The following GAS2L3 variants were observed in gnomAD, a reference collection of about 807,000 sequenced individuals.
The protein encoded by GAS2L3 is growth arrest specific 2 like 3, also known as GAS2-like protein 3.
GAS2L3 carries 28 observed loss-of-function variants against 37.0 expected under a neutral mutation model. The ratio of observed to expected loss-of-function variants is 0.76; its 90% CI spans 0.56 to 1.04. The LOEUF (loss-of-function observed/expected upper bound fraction) is 1.04. GAS2L3 is among the 50% of genes least tolerant of loss of function. The probability of loss-of-function intolerance (pLI) is 0.00; values close to 1 mark genes in which losing one functional copy is unlikely to be tolerated. For missense variants in GAS2L3, 793 were observed against 817.6 expected (o/e 0.97, Z 0.37); for synonymous variants, 290 against 296.6 (o/e 0.98, Z 0.23).
intron 5 of GAS2L3, chr12:100,610,955 A>C (rs932963871): frequency 3.9e-5 from 6 of 151,956 alleles, no homozygotes; most frequent in African/African-American, 1.5e-4. Context: ...ATCTGCGTGG[A>C]AGGAAGTAAG....
chr12:100,616,842 C>T (rs1956193513), intron 6 of GAS2L3, among the ~76,000 whole-genome samples: 1 of 152,104 alleles, frequency 6.6e-6, no homozygotes, highest in South Asian at 2.1e-4. Flanking sequence ...TGGCTACATC[C>T]TCCAATACAA....
At chr12:100,599,737 A>G (rs1338048755) in intron 3 of GAS2L3, among the ~76,000 whole-genome samples, 1 of 152,204 alleles carries the variant, frequency 6.6e-6, no homozygotes, top group Non-Finnish European at 1.5e-5. Context: ...ACAAACATGT[A>G]TTTTATAAGG....
At position 100,625,201 on chromosome 12, in the gene GAS2L3, C is replaced by T. The variant is rs10860613; in HGVS notation, c.*311C>T. On this transcript the variant is annotated 3_prime_UTR_variant, in exon 10 of 10. Transcript: ENST00000547754. Reference sequence around the variant, plus strand: ...GAAATGTAAAAGTTATTTAACACTACAAGAATTTTAACAATAGTTGCTCTA... The same window carrying T: ...GAAATGTAAAAGTTATTTAACACTATAAGAATTTTAACAATAGTTGCTCTA... 0.44 allele frequency: 86,855 copies of T among 198,880 alleles called. 20,232 individuals are homozygous for T. The highest frequency in any genetic ancestry group is 0.53 in the Non-Finnish European group (51,012 of 96,822). The allele number at this position is 198,880 out of a possible 1,614,324, so 12.3% of individuals were successfully genotyped here.
At chr12:100,621,278 A>G (rs75215063) in intron 8 of GAS2L3, among the ~76,000 whole-genome samples, 1,683 of 152,246 alleles carry the variant, frequency 0.011, 14 homozygotes, top group Non-Finnish European at 0.018. Context: ...TAATTTTAGG[A>G]AAAGCCAAAT....
chr12:100,587,866 C>A (rs1955799929), intron 1 of GAS2L3, among the ~76,000 whole-genome samples: 1 of 152,102 alleles, frequency 6.6e-6, no homozygotes, highest in African/African-American at 2.4e-5. Flanking sequence ...TCCTGGCTAA[C>A]ATGGTGAAAC....
rs143574153 is a variant in GAS2L3 at position 100,582,805 on chromosome 12, T to A, written c.-151-8931T>A. ...CTCAGGGTCTTTCAGTGCTAAAAGG[T>A]GCTGACAGGGTTGTGCTGTGTTTGG... On this transcript the variant is annotated intron_variant, in intron 1 of 9. Transcript: ENST00000547754. Among the ~76,000 whole-genome samples the A allele has an allele frequency of 1.2e-3, 183 of 152,312 alleles. No homozygotes were observed. The Middle Eastern group carries it at 0.024, about 20-fold the overall frequency.
intron 1 of GAS2L3, among the ~76,000 whole-genome samples, chr12:100,587,746 A>C (rs536727203): frequency 3.9e-5 from 6 of 152,302 alleles, no homozygotes; most frequent in Non-Finnish European, 8.8e-5. Flanking sequence ...GCAGTGAGAA[A>C]AGAGAAAGAA....
chr12:100,597,825 G>C lies in GAS2L3; in HGVS notation c.19-2557G>C, dbSNP rs886248387. On this transcript the variant is annotated intron_variant, in intron 3 of 9. Coordinates refer to ENST00000547754, the MANE Select transcript of GAS2L3 (RefSeq NM_174942.3). ...TGGCATTGCTATAGCTTTTGATCTGGTATAGTAAGACTTGCCTCAAATTAA... is the reference window on the plus strand; with the variant it reads ...TGGCATTGCTATAGCTTTTGATCTGCTATAGTAAGACTTGCCTCAAATTAA... Among the ~76,000 whole-genome samples the C allele has an allele frequency of 1.7e-4, 26 of 152,056 alleles. 1 individual carries two copies. Among genetic ancestry groups the C allele is most frequent in the Admixed American group, 1.3e-3 (20 of 15,266 alleles).
chr12:100,575,126 TTTA>T (rs1248942985), intron 1 of GAS2L3, among the ~76,000 whole-genome samples: 2 of 152,148 alleles, frequency 1.3e-5, no homozygotes, highest in Admixed American at 6.5e-5. Context: ...TAGTTCCTAC[TTTA>T]TTGAGAGGAT....
intron 1 of GAS2L3, among the ~76,000 whole-genome samples, chr12:100,576,854 T>C (rs1466278853): frequency 6.6e-6 from 1 of 152,254 alleles, no homozygotes; most frequent in Non-Finnish European, 1.5e-5. Flanking sequence ...CTAAATGTGA[T>C]GTCATCTTTG....
At chr12:100,575,166 C>T (rs1011562570) in intron 1 of GAS2L3, among the ~76,000 whole-genome samples, 3 of 152,112 alleles carry the variant, frequency 2.0e-5, no homozygotes, top group East Asian at 3.9e-4. Flanking sequence ...TGAAATTCCA[C>T]GTAACTAATT....
chr12:100,609,230 A>G (rs1186545895), intron 5 of GAS2L3, among the ~76,000 whole-genome samples: 1 of 152,190 alleles, frequency 6.6e-6, no homozygotes, highest in African/African-American at 2.4e-5. Flanking sequence ...CTCAAACAGG[A>G]GGAGTCTTTC....
At position 100,601,764 on chromosome 12, in the gene GAS2L3, G is replaced by A. The variant is rs186255221; in HGVS notation, c.303+11G>A. On this transcript the variant is annotated intron_variant, in intron 5 of 9. Coordinates refer to ENST00000547754, the MANE Select transcript of GAS2L3 (RefSeq NM_174942.3). ...TCTGAAGAATCAGGGGTAAGTAAATGTTCGACAGTATTGATTTTATGTCTT... is the reference window on the plus strand; with the variant it reads ...TCTGAAGAATCAGGGGTAAGTAAATATTCGACAGTATTGATTTTATGTCTT... 7.4e-7 allele frequency: 1 copy of A among 1,355,312 alleles called. No individual in the cohort carries two copies. 84.0% of individuals were successfully genotyped at this position (1,355,312 alleles called of 1,614,324 possible).
chr12:100,587,086 A>G (rs1955790181), intron 1 of GAS2L3, among the ~76,000 whole-genome samples: 2 of 152,306 alleles, frequency 1.3e-5, no homozygotes, highest in African/African-American at 2.4e-5. Flanking sequence ...GGTAATTAAG[A>G]AATTACCAAC....
At position 100,625,216 on chromosome 12, in the gene GAS2L3, T is replaced by C. The variant is rs183460207; in HGVS notation, c.*326T>C. ...TTTAACACTACAAGAATTTTAACAA[T>C]AGTTGCTCTATTTTTGAATATGTAT... On this transcript the variant is annotated 3_prime_UTR_variant, in exon 10 of 10. Transcript: ENST00000547754. The C allele has an allele frequency of 2.1e-3, 394 of 185,334 alleles. 3 individuals carry two copies. Among genetic ancestry groups the C allele is most frequent in the Non-Finnish European group, 3.4e-3 (296 of 87,794 alleles). 11.5% of individuals were successfully genotyped at this position (185,334 alleles called of 1,614,324 possible).
chr12:100,579,301 T>C (rs1305011596), intron 1 of GAS2L3: 1 of 638,274 alleles, frequency 1.6e-6, no homozygotes, highest in African/African-American at 1.8e-5. Context: ...GCGTTTCTTA[T>C]ACTAGTAAGG....
At chr12:100,586,952 A>G (rs535308208) in intron 1 of GAS2L3, among the ~76,000 whole-genome samples, 146 of 152,338 alleles carry the variant, frequency 9.6e-4, no homozygotes, top group Non-Finnish European at 1.8e-3. Flanking sequence ...GAACACCTCT[A>G]TGCACATAAA....
At chr12:100,595,397 G>T in intron 3 of GAS2L3, among the ~76,000 whole-genome samples, 1 of 150,422 alleles carries the variant, frequency 6.6e-6, no homozygotes. Context: ...TTAAAGAGTG[G>T]GTTTTTTTTT....
rs184846640 is a variant in GAS2L3, at chr12:100,624,446, G to A, written c.1641G>A (p.Lys547=). 6.2e-7 allele frequency: 1 copy of A among 1,614,018 alleles called. No individual in the cohort carries two copies. Among genetic ancestry groups the A allele is most frequent in the African/African-American group, 1.3e-5 (1 of 75,038 alleles). Residue 547 remains lysine, a synonymous_variant, in exon 10 of 10, where the codon AAG becomes AAA. Coordinates refer to ENST00000547754, the MANE Select transcript of GAS2L3 (RefSeq NM_174942.3). The part of the protein sequence containing the change: ...SQPSDGAPQA[K]PVPAQKLKSA... The stretch of plus-strand genomic sequence containing the variant: ...CATCCGATGGAGCCCCACAAGCAAA[G>A]CCAGTCCCAGCACAGAAACTTAAAT...
Sources: gnomAD v4.1 joint callset for allele counts (sites outside exome capture counted in the v4.1 genomes callset) on GRCh38, gnomAD v4.1.1 for gene constraint, MANE v1.5 for transcripts, NCBI Gene and HGNC (gene_info 2026-07-23, HGNC 2026-07-21) for gene names.